The following ERBB4 variants were observed in gnomAD, a reference collection of about 807,000 sequenced individuals.
ERBB4 encodes the protein receptor tyrosine-protein kinase erbB-4.
In ERBB4, 42 loss-of-function variants were observed where a neutral mutation model predicts 158.0. The ratio of observed to expected loss-of-function variants is 0.27; its 90% CI spans 0.21 to 0.34. The LOEUF (loss-of-function observed/expected upper bound fraction) is 0.34. Ranked by LOEUF, ERBB4 falls within the 10% of genes least tolerant of loss-of-function variation. ERBB4 has a pLI of 1.00. For synonymous variants in ERBB4, 583 were observed against 558.7 expected (o/e 1.04, Z -0.61); for missense variants, 1,333 against 1,624.1 (o/e 0.82, Z 3.08).
chr2:212,385,186 G>T (rs1574822809), intron 1 of ERBB4, among the ~76,000 whole-genome samples: 1 of 151,602 alleles, frequency 6.6e-6, no homozygotes, highest in Admixed American at 6.6e-5. Flanking sequence ...GGCAATGGCT[G>T]TAAAAATGCT....
chr2:211,917,150 T>C (rs899504825), intron 3 of ERBB4, among the ~76,000 whole-genome samples: 2 of 152,060 alleles, frequency 1.3e-5, no homozygotes, highest in African/African-American at 4.8e-5. Flanking sequence ...TAAGACAGAG[T>C]TAAAATGTTC....
At chr2:211,811,084 A>G (rs1346257264) in intron 3 of ERBB4, among the ~76,000 whole-genome samples, 1 of 152,198 alleles carries the variant, frequency 6.6e-6, no homozygotes, top group African/African-American at 2.4e-5. Flanking sequence ...TTTGCCCGTT[A>G]GTTGATGCAG....
chr2:212,532,108 T>C (rs559204064), intron 1 of ERBB4, among the ~76,000 whole-genome samples: 13 of 152,354 alleles, frequency 8.5e-5, no homozygotes, highest in African/African-American at 2.2e-4. Context: ...TATTTTTTTA[T>C]GTGTCAGTGG....
At chr2:211,644,448 G>C (rs1374333362) in intron 16 of ERBB4, among the ~76,000 whole-genome samples, 1 of 45,534 alleles carries the variant, frequency 2.2e-5, no homozygotes, top group Non-Finnish European at 1.1e-4. Flanking sequence ...TCCAGATAAT[G>C]TAAGAGAAAA....
At chr2:212,524,056 C>T (rs548433732) in intron 1 of ERBB4, among the ~76,000 whole-genome samples, 63 of 152,056 alleles carry the variant, frequency 4.1e-4, no homozygotes, top group African/African-American at 1.3e-3. Flanking sequence ...AGACAGTTAT[C>T]ATGTCCCCTT....
intron 20 of ERBB4, among the ~76,000 whole-genome samples, chr2:211,553,067 C>G (rs112898192): frequency 0.057 from 8,638 of 151,732 alleles, 285 homozygotes; most frequent in Middle Eastern, 0.14. Context: ...CTCCCATGTT[C>G]AAGCGATTCT....
intron 3 of ERBB4, among the ~76,000 whole-genome samples, chr2:211,838,536 C>G (rs991477): frequency 0.21 from 32,582 of 151,914 alleles, 3,640 homozygotes; most frequent in South Asian, 0.33. Context: ...GTTTTTTAAC[C>G]ATTCTTTTCC....
At chr2:212,031,430 C>T (rs972722081) in intron 2 of ERBB4, among the ~76,000 whole-genome samples, 14 of 151,976 alleles carry the variant, frequency 9.2e-5, no homozygotes, top group African/African-American at 3.1e-4. Flanking sequence ...TTATATAATG[C>T]CAGCTATTGT....
intron 3 of ERBB4, among the ~76,000 whole-genome samples, chr2:211,918,928 T>C (rs922702340): frequency 2.0e-5 from 3 of 152,106 alleles, no homozygotes; most frequent in African/African-American, 7.2e-5. Flanking sequence ...GTGATTTTTG[T>C]CACCACCACA....
At chr2:211,476,122 C>T (rs2064947059) in intron 20 of ERBB4, among the ~76,000 whole-genome samples, 1 of 152,034 alleles carries the variant, frequency 6.6e-6, no homozygotes, top group Non-Finnish European at 1.5e-5. Flanking sequence ...CCTTGATAGA[C>T]TGACTTTAGA....
At chr2:212,251,778 C>A (rs6709743) in intron 1 of ERBB4, among the ~76,000 whole-genome samples, 4,009 of 152,034 alleles carry the variant, frequency 0.026, 169 homozygotes, top group African/African-American at 0.091. Flanking sequence ...GACAGGTGGT[C>A]AGACCATGTA....
At chr2:212,357,802 A>G (rs764485746) in intron 1 of ERBB4, among the ~76,000 whole-genome samples, 2 of 151,880 alleles carry the variant, frequency 1.3e-5, no homozygotes, top group Non-Finnish European at 2.9e-5. Flanking sequence ...ACACTGCAAG[A>G]ATATAGTAGG....
At chr2:212,428,223 T>C (rs1351401020) in intron 1 of ERBB4, among the ~76,000 whole-genome samples, 1 of 152,268 alleles carries the variant, frequency 6.6e-6, no homozygotes, top group Admixed American at 6.5e-5. Context: ...CAGTAGAAAA[T>C]ACTTTTTCTT....
chr2:211,632,565 A>C (rs1158932422), intron 16 of ERBB4, among the ~76,000 whole-genome samples: 1 of 152,076 alleles, frequency 6.6e-6, no homozygotes, highest in Non-Finnish European at 1.5e-5. Flanking sequence ...AAATATATGT[A>C]AACGTCAATG....
At chr2:211,806,258 A>G (rs2076612287) in intron 3 of ERBB4, among the ~76,000 whole-genome samples, 1 of 152,154 alleles carries the variant, frequency 6.6e-6, no homozygotes, top group South Asian at 2.1e-4. Flanking sequence ...TGAGAGACTA[A>G]GGAGAGAGAG....
At chr2:212,112,380 G>T (rs1268217047) in intron 2 of ERBB4, among the ~76,000 whole-genome samples, 2 of 151,790 alleles carry the variant, frequency 1.3e-5, no homozygotes, top group Non-Finnish European at 2.9e-5. Flanking sequence ...TGTCTGCTCA[G>T]GGTCCCCAAA....
intron 1 of ERBB4, among the ~76,000 whole-genome samples, chr2:212,176,369 G>C (rs903869751): frequency 6.6e-6 from 1 of 151,828 alleles, no homozygotes; most frequent in Admixed American, 6.6e-5. Flanking sequence ...CTCAAGATAG[G>C]ATTAATGTCC....
intron 25 of ERBB4, among the ~76,000 whole-genome samples, chr2:211,410,282 G>A (rs974731058): frequency 6.6e-6 from 1 of 152,110 alleles, no homozygotes; most frequent in Non-Finnish European, 1.5e-5. Context: ...CGAATTGGAG[G>A]TCAGTTATAA....
At chr2:212,315,639 C>T (rs1006469428) in intron 1 of ERBB4, among the ~76,000 whole-genome samples, 3 of 150,884 alleles carry the variant, frequency 2.0e-5, no homozygotes, top group Non-Finnish European at 4.4e-5. Flanking sequence ...AAATATCCTG[C>T]CTTATCTGGG....
Sources: gnomAD v4.1 joint callset for allele counts (sites outside exome capture counted in the v4.1 genomes callset) on GRCh38, gnomAD v4.1.1 for gene constraint, MANE v1.5 for transcripts, NCBI Gene and HGNC (gene_info 2026-07-23, HGNC 2026-07-21) for gene names.